Variants in NMT1 observed in about 807,000 individuals in gnomAD.
The protein encoded by NMT1 is N-myristoyltransferase 1, also known as glycylpeptide N-tetradecanoyltransferase 1.
NMT1 carries 12 observed loss-of-function variants against 63.4 expected under a neutral mutation model. The observed-to-expected ratio is 0.19, with a 90% CI of 0.12 to 0.31. The LOEUF is 0.31. NMT1 is among the 10% of genes least tolerant of loss of function. NMT1 has a pLI of 1.00. For missense variants in NMT1, 432 were observed against 634.6 expected, an observed-to-expected ratio of 0.68 and a Z score of 3.43; for synonymous variants, 228 against 234.3, an observed-to-expected ratio of 0.97 and a Z score of 0.25.
Position 45,061,380 on chromosome 17 carries a change from G to C in NMT1, c.51G>C (p.Pro17=). The change falls in exon 1 of 12, where the codon CCG becomes CCC. Residue 17 remains proline, a synonymous_variant. Transcript: ENST00000258960. The part of the protein sequence containing the change: ...TAVKPPAPPL[P]QMMEGNGNGH... ...TGAAGCCGCCGGCACCTCCGCTGCCGCAGATGATGGAAGGGAACGGGAACG... is the reference window on the plus strand; with the variant it reads ...TGAAGCCGCCGGCACCTCCGCTGCCCCAGATGATGGAAGGGAACGGGAACG... The C allele has an allele frequency of 1.7e-5, 28 of 1,614,032 alleles. No individual in the cohort carries two copies. Among genetic ancestry groups the C allele is most frequent in the Non-Finnish European group, 2.4e-5 (28 of 1,179,946 alleles).
chr17:45,068,808 G>A (rs11868511), intron 1 of NMT1, among the ~76,000 whole-genome samples: 15,782 of 151,816 alleles, frequency 0.1, 952 homozygotes, highest in Middle Eastern at 0.18. Flanking sequence ...CACCATTCCC[G>A]GCTAATTTCT....
chr17:45,075,055 A>T (rs1445751218), intron 1 of NMT1, among the ~76,000 whole-genome samples: 2 of 152,200 alleles, frequency 1.3e-5, no homozygotes, highest in Non-Finnish European at 2.9e-5. Context: ...GCACACCTGT[A>T]GCCCCAATTA....
chr17:45,070,626 C>G (rs1358515323), intron 1 of NMT1, among the ~76,000 whole-genome samples: 3 of 150,806 alleles, frequency 2.0e-5, no homozygotes, highest in African/African-American at 7.4e-5. Context: ...ACCGTATTAG[C>G]CAGGATGGTC....
chr17:45,091,187 G>GAAACACACACACAC (rs2054084848), intron 3 of NMT1, among the ~76,000 whole-genome samples: 1 of 120,984 alleles, frequency 8.3e-6, no homozygotes, highest in Non-Finnish European at 1.7e-5. Context: ...GGTCTTTCCT[G>GAAACACACACACAC]ACACACACAC....
Position 45,105,845 on chromosome 17 carries a change from G to A in NMT1, c.*206G>A. ...GACGTCACCTCCGGTCGTGTCTCTG[G>A]TCTCCGTGTTTTCCAGTTAATTACA... On this transcript the variant is annotated 3_prime_UTR_variant, in exon 12 of 12. Coordinates refer to ENST00000258960, the MANE Select transcript of NMT1 (RefSeq NM_021079.5). This position sits in a 1 kb window ranked among gnomAD's most constrained non-coding sequence, Gnocchi z 4.2. The A allele has an allele frequency of 1.8e-6, 1 of 555,480 alleles. No individual in the cohort carries two copies. Among genetic ancestry groups the A allele is most frequent in the Non-Finnish European group, 3.1e-6 (1 of 318,222 alleles). 34.4% of individuals were successfully genotyped at this position (555,480 alleles called of 1,614,324 possible). A position where few individuals can be genotyped will look rare whatever the true frequency, so the allele number is the denominator to read the frequency against.
chr17:45,103,835 C>T lies in NMT1; in HGVS notation c.1291C>T (p.Leu431Phe). 3 of 1,614,204 alleles carry T rather than the reference C, an allele frequency of 1.9e-6. No homozygotes were observed. The highest frequency in any genetic ancestry group is 2.5e-6 in the Non-Finnish European group (3 of 1,180,042). The change falls in exon 10 of 12, where the codon CTT becomes TTT. Residue 431 changes from leucine to phenylalanine, a missense_variant. Physicochemically the swap from Leu to Phe is conservative, Grantham distance 22. Transcript: ENST00000258960. The surrounding 1 kb of genome is among the most constrained non-coding windows in gnomAD (Gnocchi z 4.8). ...CTACAACGTTCACACCCAGACCCCT[C>T]TTCTAGACCTCATGAGCGACGCCCT... The part of the protein sequence containing the change: ...SFYNVHTQTP[L>F]LDLMSDALVL...
At chr17:45,091,085 T>C (rs1256360866) in intron 3 of NMT1, among the ~76,000 whole-genome samples, 1 of 152,020 alleles carries the variant, frequency 6.6e-6, no homozygotes, top group Non-Finnish European at 1.5e-5. Flanking sequence ...AGCTCTACTT[T>C]TTCACACCCA....
At chr17:45,100,560 TC>T (rs899836832) in intron 8 of NMT1, among the ~76,000 whole-genome samples, 8 of 147,416 alleles carry the variant, frequency 5.4e-5, no homozygotes, top group African/African-American at 1.8e-4. Flanking sequence ...AGAGCGAGAC[TC>T]CGTCTCAAAA....
At chr17:45,076,150 G>A (rs928342801) in intron 1 of NMT1, among the ~76,000 whole-genome samples, 8 of 152,118 alleles carry the variant, frequency 5.3e-5, no homozygotes, top group Admixed American at 2.0e-4. Context: ...CTTCTGTGGG[G>A]TCCTCTAGTT....
chr17:45,106,340 A>G lies in NMT1; in HGVS notation c.*701A>G, dbSNP rs918540028. 2.0e-5 allele frequency: 3 copies of G among 152,676 alleles called. No individual in the cohort carries two copies. The highest frequency in any genetic ancestry group is 6.5e-5 in the Admixed American group (1 of 15,282). The allele number at this position is 152,676 out of a possible 1,614,324, so 9.5% of individuals were successfully genotyped here. A position where few individuals can be genotyped will look rare whatever the true frequency, so the allele number is the denominator to read the frequency against. On this transcript the variant is annotated 3_prime_UTR_variant, in exon 12 of 12. Transcript: ENST00000258960. ...CCTGCCTGCATTCTGAGACAAAGCAATGGACGGTCCGCAGAAGCAGACCTC... is the reference window on the plus strand; with the variant it reads ...CCTGCCTGCATTCTGAGACAAAGCAGTGGACGGTCCGCAGAAGCAGACCTC...
Position 45,099,596 on chromosome 17 carries a change from G to A in NMT1, c.993+83G>A, listed in dbSNP as rs559095378. 18 of 971,808 alleles carry A rather than the reference G, an allele frequency of 1.9e-5. No homozygotes were observed. In the African/African-American group the frequency reaches 2.6e-4, roughly 14 times the overall value. The allele number at this position is 971,808 out of a possible 1,614,324, so 60.2% of individuals were successfully genotyped here. A position where few individuals can be genotyped will look rare whatever the true frequency, so the allele number is the denominator to read the frequency against. ...TGTCAGCAGGAGAGAAGGGCTCTGG[G>A]TGGAGAGGGAGCTTTCTCCTACTGG... On this transcript the variant is annotated intron_variant, in intron 8 of 11. Coordinates refer to ENST00000258960, the MANE Select transcript of NMT1 (RefSeq NM_021079.5).
intron 1 of NMT1, among the ~76,000 whole-genome samples, chr17:45,064,405 AAGAATCTGGGGT>A (rs2053888246): frequency 6.6e-6 from 1 of 152,192 alleles, no homozygotes; most frequent in Non-Finnish European, 1.5e-5. Context: ...TTCTGGCACT[AAGAATCTGGGGT>A]AGAGTCAACA....
At chr17:45,063,406 G>C (rs2053880892) in intron 1 of NMT1, among the ~76,000 whole-genome samples, 1 of 152,118 alleles carries the variant, frequency 6.6e-6, no homozygotes, top group South Asian at 2.1e-4. Flanking sequence ...GGAAAGTGAA[G>C]CTCTCCTGAG....
intron 2 of NMT1, among the ~76,000 whole-genome samples, chr17:45,085,077 G>A (rs1006125341): frequency 6.6e-6 from 1 of 151,618 alleles, no homozygotes; most frequent in Non-Finnish European, 1.5e-5. Flanking sequence ...GTGAGACCCC[G>A]TCTCGACAAA....
chr17:45,095,850 G>A (rs16939826), intron 4 of NMT1, among the ~76,000 whole-genome samples: 2,565 of 152,274 alleles, frequency 0.017, 51 homozygotes, highest in South Asian at 0.07. Context: ...GTGACTCTCC[G>A]TGGTAATTCC....
chr17:45,100,348 C>T (rs767740195), intron 8 of NMT1, among the ~76,000 whole-genome samples: 1 of 151,790 alleles, frequency 6.6e-6, no homozygotes, highest in Non-Finnish European at 1.5e-5. Flanking sequence ...GGGCAGATCA[C>T]GAGATCAGGA....
chr17:45,104,197 G>A lies in NMT1; in HGVS notation c.1332+321G>A, dbSNP rs2054188278. 8.0e-6 allele frequency: 10 copies of A among 1,257,780 alleles called. No individual in the cohort carries two copies. Among genetic ancestry groups the A allele is most frequent in the Non-Finnish European group, 1.0e-5 (10 of 986,810 alleles). The allele number at this position is 1,257,780 out of a possible 1,614,324, so 77.9% of individuals were successfully genotyped here. A position where few individuals can be genotyped will look rare whatever the true frequency, so the allele number is the denominator to read the frequency against. On this transcript the variant is annotated intron_variant, in intron 10 of 11. Transcript: ENST00000258960. The surrounding 1 kb of genome is among the most constrained non-coding windows in gnomAD (Gnocchi z 4.2). The stretch of plus-strand genomic sequence containing the variant: ...CTTCTCCTCACAGCTTTCCCAGCGT[G>A]GGAAAGGGGTGATTGCTGTCTGTCG...
chr17:45,072,563 C>A (rs1481447541), intron 1 of NMT1, among the ~76,000 whole-genome samples: 1 of 148,264 alleles, frequency 6.7e-6, no homozygotes, highest in Non-Finnish European at 1.5e-5. Flanking sequence ...CCGCACCTGG[C>A]CTATTTTTTT....
At chr17:45,095,551 A>T (rs2143508911) in intron 4 of NMT1, among the ~76,000 whole-genome samples, 1 of 152,308 alleles carries the variant, frequency 6.6e-6, no homozygotes, top group East Asian at 1.9e-4. Flanking sequence ...GATTGAGCCC[A>T]GGAGTTCAAA....
Sources: allele counts gnomAD v4.1 joint callset (sites outside exome capture counted in the v4.1 genomes callset), GRCh38; gene constraint gnomAD v4.1.1; non-coding constraint Gnocchi (gnomAD v3.1); transcripts MANE v1.5; gene names NCBI Gene and HGNC (gene_info 2026-07-23, HGNC 2026-07-21).